The following ZNRF3 variants were observed in gnomAD, a reference collection of about 807,000 sequenced individuals.
The protein encoded by ZNRF3 is zinc and ring finger 3.
ZNRF3 carries 23 observed loss-of-function variants against 72.5 expected under a neutral mutation model. The observed-to-expected ratio is 0.32, with a 90% confidence interval of 0.23 to 0.45. ZNRF3 has a LOEUF of 0.45. Among genes scored for constraint, ZNRF3 ranks in the 20% least tolerant of loss-of-function variants. ZNRF3 has a pLI of 1.00. For missense variants in ZNRF3, 1,169 were observed against 1,272.1 expected, an observed-to-expected ratio of 0.92 and a Z score of 1.23; for synonymous variants, 610 against 545.3, an observed-to-expected ratio of 1.12 and a Z score of -1.65.
chr22:29,020,805 G>T (rs904068378), intron 2 of ZNRF3, among the ~76,000 whole-genome samples: 1 of 148,436 alleles, frequency 6.7e-6, no homozygotes, highest in Non-Finnish European at 1.5e-5. Context: ...GTGTGTGTGT[G>T]TGTGTGTTTG....
At chr22:28,944,781 G>A (rs1168377302) in intron 1 of ZNRF3, among the ~76,000 whole-genome samples, 1 of 149,816 alleles carries the variant, frequency 6.7e-6, no homozygotes, top group African/African-American at 2.4e-5. Context: ...AAAGATTAGC[G>A]GGGGTATGGT....
rs143122675 is a variant in ZNRF3 at position 29,048,033 on chromosome 22, C to T, written c.913-356C>T. On this transcript the variant is annotated intron_variant, in intron 6 of 8. Transcript: ENST00000544604. This position sits in a 1 kb window ranked among gnomAD's most constrained non-coding sequence, Gnocchi z 4.9. Reference sequence around the variant, plus strand: ...AGAATATCTTGGGGTATACCTGGCCCTCTCTCCATACCCCTAAGCCTCCCA... The same window carrying T: ...AGAATATCTTGGGGTATACCTGGCCTTCTCTCCATACCCCTAAGCCTCCCA... Among the ~76,000 whole-genome samples the T allele has an allele frequency of 4.5e-3, 680 of 152,256 alleles. 8 individuals carry two copies. The highest frequency in any genetic ancestry group is 2.9e-3 in the Non-Finnish European group (195 of 68,022).
intron 2 of ZNRF3, among the ~76,000 whole-genome samples, chr22:29,029,001 A>G (rs1244260744): frequency 6.6e-6 from 1 of 152,194 alleles, no homozygotes; most frequent in Non-Finnish European, 1.5e-5. Flanking sequence ...TTCTAGGACC[A>G]TCCTCCTGGA....
At chr22:28,894,123 A>T (rs1036404639) in intron 1 of ZNRF3, among the ~76,000 whole-genome samples, 123 of 142,360 alleles carry the variant, frequency 8.6e-4, no homozygotes, top group Non-Finnish European at 1.6e-3. Flanking sequence ...TGCCTGGCTA[A>T]TTTTTTTTTT....
At chr22:28,912,293 A>C (rs938320467) in intron 1 of ZNRF3, among the ~76,000 whole-genome samples, 1 of 152,342 alleles carries the variant, frequency 6.6e-6, no homozygotes, top group Middle Eastern at 3.4e-3. Flanking sequence ...GGGCCAGTCC[A>C]GGCAGAATTT....
At chr22:28,913,754 G>A (rs2123762783) in intron 1 of ZNRF3, among the ~76,000 whole-genome samples, 1 of 152,230 alleles carries the variant, frequency 6.6e-6, no homozygotes, top group East Asian at 1.9e-4. Context: ...CAGTACCACC[G>A]TCCAAGTAGG....
chr22:29,026,703 T>C (rs1713688841), intron 2 of ZNRF3: 1 of 152,160 alleles, frequency 6.6e-6, no homozygotes, highest in South Asian at 2.1e-4. Flanking sequence ...CCCGTATAAA[T>C]GGTTGCTCTT....
intron 1 of ZNRF3, among the ~76,000 whole-genome samples, chr22:28,919,111 G>A (rs185526714): frequency 6.6e-6 from 1 of 152,340 alleles, no homozygotes; most frequent in Non-Finnish European, 1.5e-5. Context: ...GGCAAGATGG[G>A]AGGAGAGGCA....
chr22:28,923,438 G>T (rs1400367977), intron 1 of ZNRF3, among the ~76,000 whole-genome samples: 1 of 152,054 alleles, frequency 6.6e-6, no homozygotes, highest in East Asian at 1.9e-4. Flanking sequence ...AGTCTCAAAC[G>T]GCTTTTTTTC....
At chr22:28,979,588 G>A (rs1192325356) in intron 1 of ZNRF3, among the ~76,000 whole-genome samples, 1 of 152,188 alleles carries the variant, frequency 6.6e-6, no homozygotes, top group Non-Finnish European at 1.5e-5. Flanking sequence ...GTAAGAGCTA[G>A]GTCTTTCAAA....
chr22:28,903,109 C>T (rs1377080443), intron 1 of ZNRF3, among the ~76,000 whole-genome samples: 2 of 152,194 alleles, frequency 1.3e-5, no homozygotes, highest in Non-Finnish European at 2.9e-5. Context: ...CTGCTCATTT[C>T]TCCGATTCCC....
At chr22:28,901,326 C>T (rs1186069527) in intron 1 of ZNRF3, among the ~76,000 whole-genome samples, 1 of 152,110 alleles carries the variant, frequency 6.6e-6, no homozygotes, top group African/African-American at 2.4e-5. Flanking sequence ...GGCCAACGCC[C>T]AGAAGGCACT....
chr22:28,913,753 C>T (rs575665083), intron 1 of ZNRF3, among the ~76,000 whole-genome samples: 2 of 152,114 alleles, frequency 1.3e-5, no homozygotes, highest in African/African-American at 2.4e-5. Flanking sequence ...ACAGTACCAC[C>T]GTCCAAGTAG....
At position 29,049,769 on chromosome 22, in the gene ZNRF3, A is replaced by G; in HGVS notation, c.1588A>G (p.Ser530Gly). The change falls in exon 8 of 9, where the codon AGC becomes GGC. Residue 530 changes from serine (S) to glycine (G), a missense_variant. Ser to Gly is a moderately conservative substitution (Grantham distance 56). Transcript: ENST00000544604. The surrounding 1 kb of genome is among the most constrained non-coding windows in gnomAD (Gnocchi z 5.2). ...GGAGAGCGGCAGCACGTCCAGCTTC[A>G]GCTGCTATCACGGCCACCGCTCGGT... The part of the protein sequence containing the change: ...HLESGSTSSF[S>G]CYHGHRSVCS... The G allele has an allele frequency of 6.3e-7, 1 of 1,597,354 alleles. No individual in the cohort carries two copies. The highest frequency in any genetic ancestry group is 8.5e-7 in the Non-Finnish European group (1 of 1,170,080).
intron 1 of ZNRF3, among the ~76,000 whole-genome samples, chr22:28,971,007 G>T (rs1251159076): frequency 6.6e-6 from 1 of 152,082 alleles, no homozygotes; most frequent in East Asian, 1.9e-4. Context: ...TTAGTTTATT[G>T]TATATAAACA....
chr22:29,045,723 C>T (rs1394197700), intron 5 of ZNRF3, among the ~76,000 whole-genome samples: 2 of 152,154 alleles, frequency 1.3e-5, no homozygotes, highest in African/African-American at 4.8e-5. Context: ...GTGATCCGCC[C>T]GCCTCGGCCT....
intron 1 of ZNRF3, among the ~76,000 whole-genome samples, chr22:28,970,575 T>C (rs971896146): frequency 4.6e-5 from 7 of 152,238 alleles, no homozygotes; most frequent in African/African-American, 1.7e-4. Flanking sequence ...GTGGCAGCTT[T>C]ATTTGTAATA....
In ZNRF3 at chr22:28,936,624, G is replaced by A. The variant is rs531535316; in HGVS notation, c.301-50452G>A. ...GTGGTGGGTGGGTTACTTCTGATCC[G>A]TTTATATTTGCTGTACTCCAGCCCA... On this transcript the variant is annotated intron_variant, in intron 1 of 8. Transcript: ENST00000544604. 1.2e-4 allele frequency among the ~76,000 whole-genome samples: 18 copies of A among 152,148 alleles called. No individual in the cohort carries two copies. In the East Asian group the frequency reaches 1.7e-3, roughly 15 times the overall value.
chr22:28,901,186 T>C lies in ZNRF3; in HGVS notation c.300+17120T>C, dbSNP rs1181495181. ...TTCCCAGTTCAACTCAAAGAGCCTC[T>C]TTGTTTGAATTTGGAAGAGCTGTCC... On this transcript the variant is annotated intron_variant, in intron 1 of 8. Transcript: ENST00000544604. Among the ~76,000 whole-genome samples, 5 of 152,216 alleles carry C rather than the reference T, an allele frequency of 3.3e-5. No homozygotes were observed. The East Asian group carries it at 9.6e-4, about 29-fold the overall frequency.
Sources: gnomAD v4.1 joint callset for allele counts (sites outside exome capture counted in the v4.1 genomes callset) on GRCh38, gnomAD v4.1.1 for gene constraint, Gnocchi (gnomAD v3.1) non-coding constraint, MANE v1.5 for transcripts, NCBI Gene and HGNC (gene_info 2026-07-23, HGNC 2026-07-21) for gene names.